Variants in TMEM232 observed in about 807,000 individuals in gnomAD.
The protein encoded by TMEM232 is transmembrane protein 232.
In TMEM232, 80 loss-of-function variants were observed where a neutral mutation model predicts 78.8. The ratio of observed to expected loss-of-function variants is 1.01; its 90% CI spans 0.85 to 1.22. The LOEUF is 1.22. Ranked by LOEUF, TMEM232 falls within the 50% of genes most tolerant of loss-of-function variation. The probability of loss-of-function intolerance (pLI) is 0.00; values close to 1 mark genes in which losing one functional copy is unlikely to be tolerated. For missense variants in TMEM232, 881 were observed against 742.2 expected (o/e 1.19, Z -2.17); for synonymous variants, 297 against 254.3 (o/e 1.17, Z -1.60).
intron 2 of TMEM232, among the ~76,000 whole-genome samples, chr5:110,662,833 T>C (rs77900716): frequency 0.022 from 3,406 of 152,126 alleles, 123 homozygotes; most frequent in African/African-American, 0.077. Flanking sequence ...AATTTCCACA[T>C]AGATTATAGA....
chr5:110,621,687 TC>T (rs1182426366), intron 7 of TMEM232, among the ~76,000 whole-genome samples: 2 of 151,722 alleles, frequency 1.3e-5, no homozygotes, highest in Non-Finnish European at 2.9e-5. Flanking sequence ...CTCCCTTTCT[TC>T]CTTCTTTCTC....
chr5:110,450,471 A>ATT (rs111760242), intron 12 of TMEM232, among the ~76,000 whole-genome samples: 6 of 151,018 alleles, frequency 4.0e-5, no homozygotes, highest in African/African-American at 1.5e-4. Context: ...TCAAATCTCC[A>ATT]TTTTTTTTCA....
intron 12 of TMEM232, among the ~76,000 whole-genome samples, chr5:110,450,972 C>T (rs1469349973): frequency 6.6e-6 from 1 of 151,970 alleles, no homozygotes; most frequent in Non-Finnish European, 1.5e-5. Flanking sequence ...AGCTACTGTC[C>T]TCTAGGTCCT....
At chr5:110,513,363 T>G (rs1581015630) in intron 12 of TMEM232, among the ~76,000 whole-genome samples, 1 of 152,064 alleles carries the variant, frequency 6.6e-6, no homozygotes, top group Non-Finnish European at 1.5e-5. Flanking sequence ...AGCTATGGAA[T>G]GGCAGAAAAT....
chr5:110,532,924 TCCC>T (rs542741380), intron 11 of TMEM232, among the ~76,000 whole-genome samples: 2 of 151,978 alleles, frequency 1.3e-5, no homozygotes, highest in Non-Finnish European at 2.9e-5. Context: ...TCCTTACAAT[TCCC>T]CCATTTTACC....
At chr5:110,691,416 CA>C (rs1794106687) in intron 1 of TMEM232, among the ~76,000 whole-genome samples, 1 of 152,164 alleles carries the variant, frequency 6.6e-6, no homozygotes, top group Admixed American at 6.5e-5. Flanking sequence ...GAAGGAGCTA[CA>C]AAAGGGATGT....
chr5:110,729,755 T>C (rs1263939612), upstream of TMEM232, among the ~76,000 whole-genome samples: 2 of 152,210 alleles, frequency 1.3e-5, no homozygotes, highest in African/African-American at 2.4e-5. Flanking sequence ...CTTGGTCCTC[T>C]AGAACAGCAT....
chr5:110,682,043 T>A (rs371322332), intron 1 of TMEM232, among the ~76,000 whole-genome samples: 8 of 152,060 alleles, frequency 5.3e-5, no homozygotes, highest in African/African-American at 1.9e-4. Flanking sequence ...TAAGACACAT[T>A]TTTTTTACTT....
chr5:110,499,510 C>A (rs1375346267), intron 12 of TMEM232, among the ~76,000 whole-genome samples: 2 of 152,006 alleles, frequency 1.3e-5, no homozygotes, highest in South Asian at 4.1e-4. Flanking sequence ...CTTGCCTCAG[C>A]CTTCCAAAGT....
At chr5:110,438,375 C>A (rs1758663516) in intron 12 of TMEM232, among the ~76,000 whole-genome samples, 1 of 151,606 alleles carries the variant, frequency 6.6e-6, no homozygotes, top group South Asian at 2.1e-4. Flanking sequence ...CTTGGCTCTG[C>A]CTCTCCAGGT....
chr5:110,684,473 C>T (rs1252633358), intron 1 of TMEM232, among the ~76,000 whole-genome samples: 1 of 151,876 alleles, frequency 6.6e-6, no homozygotes, highest in Non-Finnish European at 1.5e-5. Context: ...AACGTGAAAT[C>T]CAAGATATTA....
chr5:110,724,338 C>T (rs1037389940), intron 1 of TMEM232, among the ~76,000 whole-genome samples: 2 of 152,086 alleles, frequency 1.3e-5, no homozygotes, highest in Non-Finnish European at 2.9e-5. Context: ...CAATCTTGAC[C>T]TCTCTTGAGC....
In TMEM232 at chr5:110,664,501, G is replaced by T. The variant is rs1213744245; in HGVS notation, c.125+2727C>A. ...AGTTGAAAGCACATATGGTTAAACA[G>T]CTGAAACTGTATCTCTTGAAGTATT... On this transcript the variant is annotated intron_variant, in intron 2 of 13. Coordinates refer to ENST00000455884, the MANE Select transcript of TMEM232 (RefSeq NM_001039763.4). 2.0e-5 allele frequency among the ~76,000 whole-genome samples: 3 copies of T among 152,190 alleles called. No individual in the cohort carries two copies. The East Asian group carries it at 5.8e-4, about 29-fold the overall frequency.
chr5:110,694,401 G>T (rs183711735), intron 1 of TMEM232, among the ~76,000 whole-genome samples: 1 of 152,166 alleles, frequency 6.6e-6, no homozygotes, highest in Admixed American at 6.6e-5. Flanking sequence ...ATCAACTAAC[G>T]AGCAAAATGA....
At chr5:110,713,519 A>G (rs888967554) in intron 1 of TMEM232, among the ~76,000 whole-genome samples, 3 of 152,128 alleles carry the variant, frequency 2.0e-5, no homozygotes, top group Non-Finnish European at 2.9e-5. Context: ...TGTCCCATAA[A>G]TATATACACC....
chr5:110,671,905 C>T (rs1791397522), intron 1 of TMEM232, among the ~76,000 whole-genome samples: 1 of 151,834 alleles, frequency 6.6e-6, no homozygotes, highest in African/African-American at 2.4e-5. Context: ...TTTAAAAAGC[C>T]CACTATTCAC....
intron 10 of TMEM232, among the ~76,000 whole-genome samples, chr5:110,590,995 G>C (rs1779454910): frequency 6.6e-6 from 1 of 152,108 alleles, no homozygotes; most frequent in Non-Finnish European, 1.5e-5. Flanking sequence ...GAGATTATAG[G>C]TCTCTCCCTC....
intron 2 of TMEM232, among the ~76,000 whole-genome samples, chr5:110,654,080 G>A (rs146144340): frequency 1.5e-4 from 23 of 152,282 alleles, no homozygotes; most frequent in East Asian, 7.7e-4. Context: ...GAATTGAGAC[G>A]TATATATAAT....
In TMEM232 at chr5:110,627,822, C is replaced by T; in HGVS notation, c.560G>A (p.Ser187Asn). The T allele has an allele frequency of 6.5e-7, 1 of 1,536,662 alleles. No homozygotes were observed. The highest frequency in any genetic ancestry group is 8.7e-7 in the Non-Finnish European group (1 of 1,142,994). The change falls in exon 6 of 14, where the codon AGT becomes AAT. Residue 187 changes from serine to asparagine, a missense_variant. By Grantham distance (46) the Ser-to-Asn change is conservative. Coordinates refer to ENST00000455884, the MANE Select transcript of TMEM232 (RefSeq NM_001039763.4). ...FIFFLHGHLE[S>N]FKQHLLRLQP... ...AAGCCTAAGTAAATGTTGTTTAAAA[C>T]TTTCTAGATGACCATGCAGGAAAAA...
Sources: gnomAD v4.1 joint callset for allele counts (sites outside exome capture counted in the v4.1 genomes callset) on GRCh38, gnomAD v4.1.1 for gene constraint, MANE v1.5 for transcripts, NCBI Gene and HGNC (gene_info 2026-07-23, HGNC 2026-07-21) for gene names.